The following NR3C2 variants were observed in gnomAD, a reference collection of about 807,000 sequenced individuals.
The protein encoded by NR3C2 is nuclear receptor subfamily 3 group C member 2, also known as mineralocorticoid receptor.
A neutral mutation model predicts 86.4 loss-of-function variants in NR3C2; 15 were observed. The observed-to-expected ratio is 0.17, with a 90% CI of 0.12 to 0.27. NR3C2 has a LOEUF of 0.27. Ranked by LOEUF, NR3C2 falls within the 10% of genes least tolerant of loss-of-function variation. The probability of loss-of-function intolerance (pLI) is 1.00; values close to 1 mark genes in which losing one functional copy is unlikely to be tolerated. For synonymous variants in NR3C2, 458 were observed against 450.5 expected (o/e 1.02, Z -0.21); for missense variants, 960 against 1,195.6 (o/e 0.80, Z 2.91).
chr4:148,235,152 A>T (rs961752894), intron 3 of NR3C2, among the ~76,000 whole-genome samples: 1 of 151,996 alleles, frequency 6.6e-6, no homozygotes, highest in South Asian at 2.1e-4. Context: ...TAAAAAGTGC[A>T]TTGTAAACAC....
chr4:148,152,544 A>T lies in NR3C2; in HGVS notation c.2435T>A (p.Phe812Tyr). The T allele has an allele frequency of 6.2e-7, 1 of 1,614,162 alleles. No homozygotes were observed. Among genetic ancestry groups the T allele is most frequent in the South Asian group, 1.1e-5 (1 of 91,086 alleles). Residue 812 changes from phenylalanine (F) to tyrosine (Y), a missense_variant, in exon 6 of 9, where the codon TTT becomes TAT. This residue lies in a region of NR3C2 where 151 missense variants were observed against 296.3 expected (regional missense o/e 0.51). Transcript: ENST00000358102. Reference protein sequence around the residue: ...IQYSWMCLSSFALSWRSYKHT... With the variant: ...IQYSWMCLSSYALSWRSYKHT... ...TTTGTACGATCTCCAGCTCAAGGCA[A>T]ATGATGATAGACACATCCAAGAATA...
At chr4:148,198,718 AG>A (rs1478965800) in intron 3 of NR3C2, among the ~76,000 whole-genome samples, 1 of 151,974 alleles carries the variant, frequency 6.6e-6, no homozygotes, top group Non-Finnish European at 1.5e-5. Flanking sequence ...AAAAAAAAAA[AG>A]AAAAAACTAA....
chr4:148,270,673 G>C (rs545196031), intron 2 of NR3C2, among the ~76,000 whole-genome samples: 1 of 152,148 alleles, frequency 6.6e-6, no homozygotes, highest in East Asian at 1.9e-4. Flanking sequence ...TTTTCATTAA[G>C]AATTCCCCCA....
chr4:148,438,359 C>T lies in NR3C2; in HGVS notation c.-2-1497G>A, dbSNP rs1750176378. Among the ~76,000 whole-genome samples the T allele has an allele frequency of 2.0e-5, 3 of 152,140 alleles. No individual in the cohort carries two copies. The South Asian group carries it at 6.2e-4, about 31-fold the overall frequency. ...GCTGACAACCACCACTGTAAAGAAA[C>T]ATATCTTAAAGGAAATTAACTCACT... On this transcript the variant is annotated intron_variant, in intron 1 of 8. Transcript: ENST00000358102.
intron 8 of NR3C2, among the ~76,000 whole-genome samples, chr4:148,113,676 C>T (rs373453277): frequency 2.6e-4 from 39 of 152,220 alleles, no homozygotes; most frequent in South Asian, 2.1e-3. Context: ...AATATGTGTT[C>T]GGAGTTCTAA....
At chr4:148,434,528 C>T (rs1373581121) in intron 2 of NR3C2, among the ~76,000 whole-genome samples, 3 of 152,102 alleles carry the variant, frequency 2.0e-5, no homozygotes, top group East Asian at 3.8e-4. Context: ...TAAAAGCTCT[C>T]AACAGTTAAG....
intron 6 of NR3C2, among the ~76,000 whole-genome samples, chr4:148,136,056 CAAA>C (rs199716496): frequency 1.4e-5 from 1 of 71,204 alleles, no homozygotes; most frequent in African/African-American, 6.7e-5. Flanking sequence ...GACTCCGTCT[CAAA>C]AAAAAAAAAA....
At chr4:148,085,526 C>CTATA (rs1730773494) in intron 8 of NR3C2, among the ~76,000 whole-genome samples, 1 of 152,172 alleles carries the variant, frequency 6.6e-6, no homozygotes, top group Non-Finnish European at 1.5e-5. Flanking sequence ...ACTAAATGCC[C>CTATA]ACAGGAGACA....
At chr4:148,122,222 A>T (rs756421314) in intron 6 of NR3C2, among the ~76,000 whole-genome samples, 5 of 152,142 alleles carry the variant, frequency 3.3e-5, no homozygotes, top group Non-Finnish European at 7.4e-5. Flanking sequence ...GACTATTCAT[A>T]TCTTTACCAA....
chr4:148,375,869 G>T (rs907294843), intron 2 of NR3C2, among the ~76,000 whole-genome samples: 13 of 152,120 alleles, frequency 8.5e-5, no homozygotes, highest in African/African-American at 2.9e-4. Flanking sequence ...CATTAAAAAT[G>T]AAATCTAAGA....
At chr4:148,209,169 A>G (rs1035741452) in intron 3 of NR3C2, among the ~76,000 whole-genome samples, 6 of 151,612 alleles carry the variant, frequency 4.0e-5, no homozygotes, top group Admixed American at 2.0e-4. Context: ...GCGTGAACCC[A>G]GGAGGCAGAG....
At chr4:148,304,987 AC>A (rs1244110382) in intron 2 of NR3C2, among the ~76,000 whole-genome samples, 1 of 150,852 alleles carries the variant, frequency 6.6e-6, no homozygotes, top group African/African-American at 2.4e-5. Context: ...CCTGGTCATG[AC>A]ACAAGAACCC....
At chr4:148,374,416 G>A (rs528235854) in intron 2 of NR3C2, among the ~76,000 whole-genome samples, 8 of 152,188 alleles carry the variant, frequency 5.3e-5, no homozygotes, top group African/African-American at 9.6e-5. Flanking sequence ...TGAGGAAACC[G>A]GGCCCAGAAA....
chr4:148,298,016 T>C (rs1282562230), intron 2 of NR3C2, among the ~76,000 whole-genome samples: 1 of 152,220 alleles, frequency 6.6e-6, no homozygotes, highest in Non-Finnish European at 1.5e-5. Context: ...GTCACTACTT[T>C]AGAAAAATGT....
At chr4:148,090,143 C>T (rs1276160803) in intron 8 of NR3C2, among the ~76,000 whole-genome samples, 6 of 152,088 alleles carry the variant, frequency 3.9e-5, no homozygotes, top group Non-Finnish European at 7.4e-5. Flanking sequence ...GCTAAGTCCC[C>T]GAGCACCTGC....
chr4:148,416,618 C>T (rs1050912911), intron 2 of NR3C2, among the ~76,000 whole-genome samples: 9 of 152,180 alleles, frequency 5.9e-5, no homozygotes, highest in Non-Finnish European at 1.0e-4. Flanking sequence ...CACTGGATGC[C>T]ATCCAAGAGC....
intron 2 of NR3C2, among the ~76,000 whole-genome samples, chr4:148,334,843 C>T (rs1395053831): frequency 1.3e-5 from 2 of 152,156 alleles, no homozygotes; most frequent in Admixed American, 1.3e-4. Context: ...GGGTTGGGTT[C>T]CTTCTGAGAG....
At chr4:148,199,057 G>A (rs1025044462) in intron 3 of NR3C2, among the ~76,000 whole-genome samples, 1 of 146,994 alleles carries the variant, frequency 6.8e-6, no homozygotes, top group Non-Finnish European at 1.5e-5. Context: ...CTCCAGCCTA[G>A]GCGACAGAGT....
chr4:148,228,246 TTC>T (rs760798011), intron 3 of NR3C2, among the ~76,000 whole-genome samples: 8 of 148,016 alleles, frequency 5.4e-5, no homozygotes, highest in Admixed American at 1.4e-4. Flanking sequence ...ATTATATATT[TTC>T]TTTTTTCTCA....
Sources: allele counts gnomAD v4.1 joint callset (sites outside exome capture counted in the v4.1 genomes callset), GRCh38; gene constraint gnomAD v4.1.1; regional missense constraint gnomAD v4.1.1; transcripts MANE v1.5; gene names NCBI Gene and HGNC (gene_info 2026-07-23, HGNC 2026-07-21).